MAN1A2: variants seen among roughly 807,000 people sequenced by gnomAD.
MAN1A2 encodes the protein mannosidase alpha class 1A member 2.
Under a neutral mutation model 75.7 loss-of-function variants are expected in MAN1A2, and 26 were observed. That is an observed-to-expected ratio of 0.34 (90% CI 0.25 to 0.48). The LOEUF (loss-of-function observed/expected upper bound fraction) is 0.48. Ranked by LOEUF, MAN1A2 falls within the 20% of genes least tolerant of loss-of-function variation. MAN1A2 has a pLI of 0.99. For missense variants in MAN1A2, 562 were observed against 775.5 expected (o/e 0.72, Z 3.27); for synonymous variants, 247 against 264.6 (o/e 0.93, Z 0.65).
At chr1:117,429,343 C>G (rs1233410299) in intron 5 of MAN1A2, among the ~76,000 whole-genome samples, 2 of 138,976 alleles carry the variant, frequency 1.4e-5, no homozygotes, top group East Asian at 2.1e-4. Flanking sequence ...GGGTGGTGGC[C>G]GGGCAGAGGG....
chr1:117,514,906 G>A (rs1222368952), intron 12 of MAN1A2: 2 of 532,910 alleles, frequency 3.8e-6, no homozygotes, highest in Non-Finnish European at 7.7e-6. Context: ...GTAGCATCAA[G>A]TCCCCTATTC....
chr1:117,448,122 A>C (rs1272443147), intron 6 of MAN1A2, among the ~76,000 whole-genome samples: 1 of 152,038 alleles, frequency 6.6e-6, no homozygotes, highest in Non-Finnish European at 1.5e-5. Context: ...GTTCTCCTTG[A>C]AGAGGCCCTT....
rs748441651 is a variant in MAN1A2, at chr1:117,487,718, C to G, written c.1169-5429C>G. ...ATAGTTAAAATGTAAAATCACTGCT[C>G]TCTTGTTTATTACCAAAAAATGTGC... is the stretch of plus-strand genomic sequence containing the variant. On this transcript the variant is annotated intron_variant, in intron 8 of 12. Coordinates refer to ENST00000356554, the MANE Select transcript of MAN1A2 (RefSeq NM_006699.5). 2.0e-5 allele frequency among the ~76,000 whole-genome samples: 3 copies of G among 151,948 alleles called. No individual in the cohort carries two copies. In the South Asian group the frequency reaches 6.2e-4, roughly 32 times the overall value.
intron 12 of MAN1A2, among the ~76,000 whole-genome samples, chr1:117,511,735 G>A (rs1490009696): frequency 1.3e-5 from 2 of 151,954 alleles, no homozygotes; most frequent in African/African-American, 4.8e-5. Flanking sequence ...TGATCATCCT[G>A]TATACAATTT....
At chr1:117,428,783 TC>T (rs376058124) in intron 5 of MAN1A2, among the ~76,000 whole-genome samples, 1,233 of 116,150 alleles carry the variant, frequency 0.011, 11 homozygotes, top group South Asian at 0.033. Flanking sequence ...AGGAGACCTT[TC>T]TTTTTTTTTT....
At chr1:117,423,488 GAAT>G (rs1271519722) in intron 5 of MAN1A2, among the ~76,000 whole-genome samples, 1 of 152,028 alleles carries the variant, frequency 6.6e-6, no homozygotes, top group Non-Finnish European at 1.5e-5. Flanking sequence ...TTCAGTCCAT[GAAT>G]AATGGTATAT....
In MAN1A2 at chr1:117,460,646, A is replaced by G. The variant is rs1649788834; in HGVS notation, c.1074+34A>G. The G allele has an allele frequency of 1.9e-6, 3 of 1,568,178 alleles. No individual in the cohort carries two copies. The South Asian group carries it at 3.6e-5, about 19-fold the overall frequency. ...TCTTGCCTTCTATTCTTTGTTTGTT[A>G]TAAAGAGTCCTTTAAGATTGGCCCA... On this transcript the variant is annotated intron_variant, in intron 7 of 12. Transcript: ENST00000356554.
chr1:117,413,132 AT>A (rs1341980280), intron 3 of MAN1A2, among the ~76,000 whole-genome samples: 2 of 151,946 alleles, frequency 1.3e-5, no homozygotes, highest in African/African-American at 4.8e-5. Context: ...TTTTATCGTA[AT>A]AAAAAGCTGA....
intron 5 of MAN1A2, among the ~76,000 whole-genome samples, chr1:117,423,172 C>T (rs1648253239): frequency 1.3e-5 from 2 of 151,906 alleles, no homozygotes; most frequent in African/African-American, 4.8e-5. Context: ...GACTTTGTAC[C>T]TTTGTTGAAA....
chr1:117,367,504 G>A lies in MAN1A2; in HGVS notation c.-680G>A, dbSNP rs1281023952. 1 of 153,452 alleles carries A rather than the reference G, an allele frequency of 6.5e-6. No homozygotes were observed. Among genetic ancestry groups the A allele is most frequent in the African/African-American group, 2.4e-5 (1 of 41,460 alleles). The allele number at this position is 153,452 out of a possible 1,614,324, so 9.5% of individuals were successfully genotyped here. ...CCGCGGCGGCTGGCCGGACTCAGGT[G>A]TTTCGGACGCTATTGCCCTTCGCGC... On this transcript the variant is annotated 5_prime_UTR_variant, in exon 1 of 13. Transcript: ENST00000356554.
At chr1:117,399,324 G>A (rs1358377630) in intron 1 of MAN1A2, among the ~76,000 whole-genome samples, 1 of 152,212 alleles carries the variant, frequency 6.6e-6, no homozygotes, top group Non-Finnish European at 1.5e-5. Flanking sequence ...ATGCCATTTA[G>A]CAATAACTTG....
chr1:117,474,185 A>G (rs1288652857), intron 8 of MAN1A2, among the ~76,000 whole-genome samples: 10 of 151,948 alleles, frequency 6.6e-5, no homozygotes, highest in African/African-American at 2.4e-4. Context: ...AAGGATCCAA[A>G]CTTATTTGAG....
intron 5 of MAN1A2, among the ~76,000 whole-genome samples, chr1:117,434,169 CTATT>C (rs1397891931): frequency 6.6e-6 from 1 of 152,158 alleles, no homozygotes; most frequent in Non-Finnish European, 1.5e-5. Flanking sequence ...TATTGTGAAA[CTATT>C]TATTTAGACC....
intron 1 of MAN1A2, among the ~76,000 whole-genome samples, chr1:117,399,485 G>A (rs1324817523): frequency 6.6e-6 from 1 of 152,140 alleles, no homozygotes; most frequent in Non-Finnish European, 1.5e-5. Flanking sequence ...CAGGTCCTCT[G>A]TTTTTCTGAA....
chr1:117,416,604 T>A (rs894705353), intron 4 of MAN1A2, among the ~76,000 whole-genome samples: 3 of 152,174 alleles, frequency 2.0e-5, no homozygotes, highest in African/African-American at 7.2e-5. Context: ...GAGGATTTAA[T>A]GTTTAGAATT....
At chr1:117,502,267 CTCTT>C (rs2101882199) in intron 11 of MAN1A2, among the ~76,000 whole-genome samples, 1 of 151,786 alleles carries the variant, frequency 6.6e-6, no homozygotes, top group Admixed American at 6.6e-5. Flanking sequence ...TAATTGTTAA[CTCTT>C]TATATTGTAA....
intron 12 of MAN1A2, chr1:117,514,778 G>C (rs935155264): frequency 3.8e-6 from 2 of 528,372 alleles, no homozygotes; most frequent in Non-Finnish European, 7.8e-6. Flanking sequence ...AAAACGGTTA[G>C]AGAAGACTGA....
intron 8 of MAN1A2, among the ~76,000 whole-genome samples, chr1:117,484,444 A>T (rs1032625723): frequency 6.6e-6 from 1 of 151,986 alleles, no homozygotes; most frequent in Non-Finnish European, 1.5e-5. Flanking sequence ...GTGGCACTTC[A>T]TATGGGTCCC....
At chr1:117,429,456 G>C (rs866207239) in intron 5 of MAN1A2, among the ~76,000 whole-genome samples, 2 of 119,048 alleles carry the variant, frequency 1.7e-5, no homozygotes, top group African/African-American at 3.3e-5. Context: ...CCTCCCTCCC[G>C]GAGGGGGCGG....
Sources: allele counts gnomAD v4.1 joint callset (sites outside exome capture counted in the v4.1 genomes callset), GRCh38; gene constraint gnomAD v4.1.1; transcripts MANE v1.5; gene names NCBI Gene and HGNC (gene_info 2026-07-23, HGNC 2026-07-21).